Variants in SLC17A6 observed in about 807,000 individuals in gnomAD.
SLC17A6 encodes the protein solute carrier family 17 member 6.
SLC17A6 carries 35 observed loss-of-function variants against 67.1 expected under a neutral mutation model. The ratio of observed to expected loss-of-function variants is 0.52; its 90% CI spans 0.40 to 0.69. The LOEUF (loss-of-function observed/expected upper bound fraction) is 0.69. Ranked by LOEUF, SLC17A6 falls within the 30% of genes least tolerant of loss-of-function variation. The pLI, the probability that SLC17A6 is intolerant of heterozygous loss-of-function variation, is 0.00. For missense variants in SLC17A6, 588 were observed against 723.9 expected (o/e 0.81, Z 2.15); for synonymous variants, 285 against 252.3 (o/e 1.13, Z -1.23).
intron 8 of SLC17A6, among the ~76,000 whole-genome samples, chr11:22,371,352 C>T (rs535062053): frequency 6.6e-6 from 1 of 151,978 alleles, no homozygotes; most frequent in South Asian, 2.1e-4. Context: ...TGAAGAAAAC[C>T]TCAGTTTAGG....
intron 3 of SLC17A6, among the ~76,000 whole-genome samples, chr11:22,355,703 A>G (rs999835675): frequency 1.3e-5 from 2 of 152,200 alleles, no homozygotes; most frequent in East Asian, 3.8e-4. Flanking sequence ...TAAGAACCTG[A>G]GCCACTATGT....
At chr11:22,339,147 ATATAGTTATATATATATGT>A (rs1340716450) in intron 1 of SLC17A6, among the ~76,000 whole-genome samples, 2 of 7,844 alleles carry the variant, frequency 2.5e-4, no homozygotes, top group East Asian at 0.011. Flanking sequence ...TATATGTTAT[ATATAGTTATATATATATGT>A]TATATATATA....
At chr11:22,339,692 A>C in intron 1 of SLC17A6, among the ~76,000 whole-genome samples, 1 of 152,228 alleles carries the variant, frequency 6.6e-6, no homozygotes, top group Non-Finnish European at 1.5e-5. Context: ...TGAGAAATGT[A>C]AAGAAAATGA....
At chr11:22,373,699 A>C (rs1038913646) in intron 8 of SLC17A6, among the ~76,000 whole-genome samples, 12 of 152,214 alleles carry the variant, frequency 7.9e-5, no homozygotes, top group African/African-American at 2.9e-4. Context: ...TCTGACTCTA[A>C]ATTTTTTTTA....
At chr11:22,371,214 C>T (rs1564986489) in intron 8 of SLC17A6, among the ~76,000 whole-genome samples, 1 of 152,018 alleles carries the variant, frequency 6.6e-6, no homozygotes, top group African/African-American at 2.4e-5. Flanking sequence ...AAGCCCTTTG[C>T]TAAGTCCTGA....
Position 22,376,062 on chromosome 11 carries a change from G to A in SLC17A6, c.1255G>A (p.Ala419Thr). 6.2e-7 allele frequency: 1 copy of A among 1,612,124 alleles called. No individual in the cohort carries two copies. Among genetic ancestry groups the A allele is most frequent in the Non-Finnish European group, 8.5e-7 (1 of 1,179,008 alleles). ...GGTAGCAATCTCATTCTTGGTACTT[G>A]CAGTGGGATTCAGTGGATTTGCTAT... ...RGVAISFLVLAVGFSGFAISG... is the reference protein window; with the variant it reads ...RGVAISFLVLTVGFSGFAISG... Residue 419 changes from alanine to threonine, a missense_variant, in exon 10 of 12, where the codon GCA (alanine) becomes ACA (threonine). Around this residue, in one of 4 missense-constraint regions of SLC17A6, gnomAD observed 414 missense variants for 563.4 expected, o/e 0.73. Transcript: ENST00000263160.
At chr11:22,362,676 A>C in intron 5 of SLC17A6, 63 bp from the exon 6 acceptor site, 1 of 1,333,022 alleles carries the variant, frequency 7.5e-7, no homozygotes, top group Non-Finnish European at 1.1e-6. Context: ...AAGGAATGTG[A>C]GATGATATCA....
At chr11:22,356,119 C>T (rs1172457561) in intron 3 of SLC17A6, among the ~76,000 whole-genome samples, 1 of 152,166 alleles carries the variant, frequency 6.6e-6, no homozygotes, top group East Asian at 1.9e-4. Flanking sequence ...TTTCAATTTC[C>T]TTATTTATAA....
At chr11:22,360,386 G>A (rs1016314287) in intron 4 of SLC17A6, among the ~76,000 whole-genome samples, 6 of 151,956 alleles carry the variant, frequency 3.9e-5, no homozygotes, top group East Asian at 1.9e-4. Flanking sequence ...GGCTTAATAC[G>A]TAGGTGATGG....
rs982525061 is a variant in SLC17A6 at position 22,352,049 on chromosome 11, A to G, written c.459-7364A>G. ...TATATAACTATATTAAGTATTAATGAATGGTGAGGTTCTTTAAGAGGACAC... is the reference window on the plus strand; with the variant it reads ...TATATAACTATATTAAGTATTAATGGATGGTGAGGTTCTTTAAGAGGACAC... On this transcript the variant is annotated intron_variant, in intron 3 of 11. Coordinates refer to ENST00000263160, the MANE Select transcript of SLC17A6 (RefSeq NM_020346.3). Among the ~76,000 whole-genome samples the G allele has an allele frequency of 9.2e-5, 14 of 152,352 alleles. No individual in the cohort carries two copies. The East Asian group carries it at 2.5e-3, about 27-fold the overall frequency.
At chr11:22,341,074 G>C (rs1365610511) in intron 1 of SLC17A6, among the ~76,000 whole-genome samples, 1 of 152,238 alleles carries the variant, frequency 6.6e-6, no homozygotes, top group Non-Finnish European at 1.5e-5. Context: ...CTCTGGTGCT[G>C]TGTTGCAGGA....
At chr11:22,373,518 C>G (rs976215546) in intron 8 of SLC17A6, among the ~76,000 whole-genome samples, 1 of 151,668 alleles carries the variant, frequency 6.6e-6, no homozygotes, top group East Asian at 1.9e-4. Context: ...CCTGTTGAGC[C>G]CCTGCTACAT....
In SLC17A6 at chr11:22,377,790, T is replaced by C. The variant is rs1336443656; in HGVS notation, c.*50T>C. 1.4e-6 allele frequency: 2 copies of C among 1,430,276 alleles called. No homozygotes were observed. Among genetic ancestry groups the C allele is most frequent in the Non-Finnish European group, 1.9e-6 (2 of 1,068,960 alleles). 88.6% of individuals were successfully genotyped at this position (1,430,276 alleles called of 1,614,324 possible). A position where few individuals can be genotyped will look rare whatever the true frequency, so the allele number is the denominator to read the frequency against. ...TTAGTGTTTGTGATTAAATTCATTG[T>C]GATTGCACAAAAATTTTAAAAACAC... On this transcript the variant is annotated 3_prime_UTR_variant, in exon 12 of 12. Transcript: ENST00000263160.
intron 1 of SLC17A6, among the ~76,000 whole-genome samples, chr11:22,339,539 A>G (rs1444334116): frequency 6.6e-6 from 1 of 152,126 alleles, no homozygotes; most frequent in Non-Finnish European, 1.5e-5. Context: ...CAAAACTTTA[A>G]ATCATTTCAA....
At chr11:22,344,628 G>C (rs979282006) in intron 3 of SLC17A6, among the ~76,000 whole-genome samples, 1 of 152,096 alleles carries the variant, frequency 6.6e-6, no homozygotes, top group Non-Finnish European at 1.5e-5. Flanking sequence ...CTGACACTAA[G>C]AGCAAGTAGT....
intron 3 of SLC17A6, among the ~76,000 whole-genome samples, chr11:22,356,288 A>G (rs755410908): frequency 6.6e-6 from 1 of 152,212 alleles, no homozygotes; most frequent in Non-Finnish European, 1.5e-5. Flanking sequence ...GTGTAAATGC[A>G]TGAATGAATA....
chr11:22,357,122 G>T (rs1463038083), intron 3 of SLC17A6, among the ~76,000 whole-genome samples: 2 of 152,084 alleles, frequency 1.3e-5, no homozygotes, highest in Non-Finnish European at 2.9e-5. Context: ...TCTGAAACAG[G>T]TTTCCTCTAC....
chr11:22,342,101 A>G (rs1855822144), intron 2 of SLC17A6, among the ~76,000 whole-genome samples: 1 of 152,228 alleles, frequency 6.6e-6, no homozygotes, highest in African/African-American at 2.4e-5. Flanking sequence ...TGTTTGTTTT[A>G]CTTGGATGAA....
rs142668549 is a variant in SLC17A6 at position 22,375,956 on chromosome 11, G to A, written c.1175-26G>A. ...TGGTAAAATTTCAAAAATTTCTGAAGAATTTCTATGTGTTTGCTTCTGAAG... is the reference window on the plus strand; with the variant it reads ...TGGTAAAATTTCAAAAATTTCTGAAAAATTTCTATGTGTTTGCTTCTGAAG... On this transcript the variant is annotated intron_variant, in intron 9 of 11. Coordinates refer to ENST00000263160, the MANE Select transcript of SLC17A6 (RefSeq NM_020346.3). 6,840 of 1,550,290 alleles carry A rather than the reference G, an allele frequency of 4.4e-3. 12 individuals carry two copies. The highest frequency in any genetic ancestry group is 5.4e-3 in the Non-Finnish European group (6,149 of 1,142,078).
Sources: allele counts gnomAD v4.1 joint callset (sites outside exome capture counted in the v4.1 genomes callset), GRCh38; gene constraint gnomAD v4.1.1; regional missense constraint gnomAD v4.1.1; transcripts MANE v1.5; gene names NCBI Gene and HGNC (gene_info 2026-07-23, HGNC 2026-07-21).